RBFOX1: variants seen among roughly 807,000 people sequenced by gnomAD.
RBFOX1 encodes the protein RNA binding protein fox-1 homolog 1.
Under a neutral mutation model 57.7 loss-of-function variants are expected in RBFOX1, and 8 were observed. The observed-to-expected ratio is 0.14, with a 90% confidence interval of 0.08 to 0.25. The LOEUF (loss-of-function observed/expected upper bound fraction) is 0.25. Among genes scored for constraint, RBFOX1 ranks in the 10% least tolerant of loss-of-function variants. RBFOX1 has a pLI of 1.00. For missense variants in RBFOX1, 611 were observed against 548.5 expected (o/e 1.11, Z -1.14); for synonymous variants, 326 against 222.4 (o/e 1.47, Z -4.15).
At chr16:6,868,840 C>G (rs568788174) in intron 3 of RBFOX1, among the ~76,000 whole-genome samples, 2 of 152,274 alleles carry the variant, frequency 1.3e-5, no homozygotes, top group South Asian at 4.1e-4. Context: ...TGCCATATGA[C>G]TTACTTTGAC....
intron 2 of RBFOX1, among the ~76,000 whole-genome samples, chr16:6,612,900 G>A (rs1484382307): frequency 1.3e-5 from 2 of 150,766 alleles, no homozygotes; most frequent in African/African-American, 4.9e-5. Flanking sequence ...CCAGAGGGCT[G>A]TTTCCTTAAA....
At chr16:7,544,766 A>C (rs555613189) in intron 5 of RBFOX1, among the ~76,000 whole-genome samples, 1 of 152,334 alleles carries the variant, frequency 6.6e-6, no homozygotes, top group South Asian at 2.1e-4. Context: ...AAGTAATAGC[A>C]CATGAGATAT....
intron 1 of RBFOX1, among the ~76,000 whole-genome samples, chr16:5,401,372 C>G (rs2066709431): frequency 1.3e-5 from 2 of 152,058 alleles, no homozygotes; most frequent in Admixed American, 6.6e-5. Flanking sequence ...ATCAATGTTC[C>G]TGTTTATGCT....
intron 3 of RBFOX1, among the ~76,000 whole-genome samples, chr16:6,745,211 C>A (rs1343527461): frequency 7.2e-5 from 11 of 151,944 alleles, no homozygotes; most frequent in Admixed American, 7.2e-4. Context: ...TAAGAAAATT[C>A]CAAGCCCAGA....
At chr16:6,268,416 A>G (rs1175672409) in intron 1 of RBFOX1, among the ~76,000 whole-genome samples, 1 of 152,126 alleles carries the variant, frequency 6.6e-6, no homozygotes, top group Non-Finnish European at 1.5e-5. Context: ...TTATTCTTTT[A>G]GTGGGTCCAA....
intron 10 of RBFOX1, among the ~76,000 whole-genome samples, chr16:7,611,852 T>C (rs2057533332): frequency 6.6e-6 from 1 of 152,194 alleles, no homozygotes; most frequent in African/African-American, 2.4e-5. Flanking sequence ...AAAATCTTTC[T>C]AAATGCTTAT....
chr16:7,324,515 C>G (rs898371786), intron 4 of RBFOX1, among the ~76,000 whole-genome samples: 2 of 152,218 alleles, frequency 1.3e-5, no homozygotes, highest in African/African-American at 4.8e-5. Context: ...ACCCAGTTGT[C>G]ATTCATCCCC....
chr16:6,004,064 A>T (rs1001482752), intron 4 of RBFOX1, among the ~76,000 whole-genome samples: 6 of 152,214 alleles, frequency 3.9e-5, no homozygotes, highest in Admixed American at 1.3e-4. Flanking sequence ...GTACTCTAGG[A>T]TAAATAGCTA....
intron 3 of RBFOX1, among the ~76,000 whole-genome samples, chr16:6,832,454 A>C (rs1451498008): frequency 3.9e-5 from 6 of 152,272 alleles, no homozygotes; most frequent in Non-Finnish European, 7.4e-5. Flanking sequence ...ATGGTGCCAA[A>C]ACCCAGCAGT....
intron 3 of RBFOX1, among the ~76,000 whole-genome samples, chr16:6,857,450 T>C (rs1387846550): frequency 6.6e-6 from 1 of 152,186 alleles, no homozygotes; most frequent in Admixed American, 6.5e-5. Context: ...TAAGCCATTT[T>C]TCTATTTACA....
At chr16:6,749,467 G>A (rs1453241709) in intron 3 of RBFOX1, among the ~76,000 whole-genome samples, 3 of 152,150 alleles carry the variant, frequency 2.0e-5, no homozygotes, top group African/African-American at 7.2e-5. Context: ...GTCCGGGGAG[G>A]TAGGACTCAT....
At chr16:5,258,687 G>T (rs1567244796) in intron 1 of RBFOX1, among the ~76,000 whole-genome samples, 1 of 152,190 alleles carries the variant, frequency 6.6e-6, no homozygotes, top group Non-Finnish European at 1.5e-5. Context: ...GGAGGCCAAG[G>T]TAGGCGGATC....
At chr16:6,005,495 A>G (rs1345613075) in intron 4 of RBFOX1, among the ~76,000 whole-genome samples, 1 of 152,232 alleles carries the variant, frequency 6.6e-6, no homozygotes, top group Non-Finnish European at 1.5e-5. Context: ...AATACAAGGC[A>G]TGAAGTGTTA....
At chr16:7,068,620 C>G (rs1169098914) in intron 4 of RBFOX1, among the ~76,000 whole-genome samples, 1 of 152,144 alleles carries the variant, frequency 6.6e-6, no homozygotes, top group African/African-American at 2.4e-5. Flanking sequence ...GAGTTTCACT[C>G]TTGTTTCCCA....
chr16:6,005,840 G>C (rs769614545), intron 4 of RBFOX1, among the ~76,000 whole-genome samples: 1 of 152,202 alleles, frequency 6.6e-6, no homozygotes, highest in Admixed American at 6.5e-5. Context: ...TCTTGAGTCA[G>C]GTATATGGCT....
chr16:5,357,462 T>C (rs2065422382), intron 1 of RBFOX1, among the ~76,000 whole-genome samples: 1 of 152,212 alleles, frequency 6.6e-6, no homozygotes, highest in Admixed American at 6.5e-5. Flanking sequence ...GAGAGGAGAC[T>C]GAGTCCCACA....
chr16:7,064,094 C>A (rs1299677489), intron 4 of RBFOX1, among the ~76,000 whole-genome samples: 2 of 149,678 alleles, frequency 1.3e-5, no homozygotes, highest in East Asian at 2.0e-4. Context: ...AAGCTAAGGT[C>A]TTTAAAAAGA....
At chr16:6,240,492 C>G (rs1271681098) in intron 1 of RBFOX1, among the ~76,000 whole-genome samples, 1 of 152,052 alleles carries the variant, frequency 6.6e-6, no homozygotes, top group Non-Finnish European at 1.5e-5. Flanking sequence ...ACCCCAGGCC[C>G]TCACTCAGGC....
chr16:6,100,053 A>C (rs2096285326), intron 1 of RBFOX1, among the ~76,000 whole-genome samples: 1 of 152,244 alleles, frequency 6.6e-6, no homozygotes, highest in Admixed American at 6.5e-5. Context: ...TATTCTTTTT[A>C]TAAAATAGCA....
Sources: allele counts gnomAD v4.1 joint callset (sites outside exome capture counted in the v4.1 genomes callset), GRCh38; gene constraint gnomAD v4.1.1; transcripts MANE v1.5; gene names NCBI Gene and HGNC (gene_info 2026-07-23, HGNC 2026-07-21).